Variants in SPG11 observed in about 807,000 individuals in gnomAD.
SPG11 encodes SPG11 vesicle trafficking associated, spatacsin.
SPG11 carries 222 observed loss-of-function variants against 274.0 expected under a neutral mutation model. The observed-to-expected ratio is 0.81, with a 90% CI of 0.73 to 0.91. SPG11 has a LOEUF of 0.91. Among genes scored for constraint, SPG11 ranks in the 40% least tolerant of loss-of-function variants. SPG11 has a pLI of 0.00. For missense variants in SPG11, 3,114 were observed against 2,872.7 expected, an observed-to-expected ratio of 1.08 and a Z score of -1.92; for synonymous variants, 1,144 against 1,039.7, an observed-to-expected ratio of 1.10 and a Z score of -1.93.
chr15:44,590,294 A>G (rs2082872156), intron 27 of SPG11: 1 of 152,222 alleles, frequency 6.6e-6, no homozygotes, highest in African/African-American at 2.4e-5. Flanking sequence ...TTTCAACTGA[A>G]TGCTAAAAAT....
rs185269110 is a variant in SPG11, at chr15:44,603,828, T to A, written c.3520+2197A>T. ...ATAAATGTAAATGCCATGTAGATAG[T>A]TGTTATACTGTATTTTTAAATTGGT... is the stretch of plus-strand genomic sequence containing the variant. On this transcript the variant is annotated intron_variant, in intron 20 of 39. Coordinates refer to ENST00000261866, the MANE Select transcript of SPG11 (RefSeq NM_025137.4). Among the ~76,000 whole-genome samples, 448 of 152,334 alleles carry A rather than the reference T, an allele frequency of 2.9e-3. 1 individual carries two copies. Among genetic ancestry groups the A allele is most frequent in the African/African-American group, 0.01 (435 of 41,582 alleles).
intron 30 of SPG11, among the ~76,000 whole-genome samples, chr15:44,575,569 A>G (rs551685213): frequency 3.3e-4 from 48 of 145,776 alleles, no homozygotes; most frequent in South Asian, 8.5e-4. Context: ...ATCTCAGCTC[A>G]CTGCAACCTC....
At chr15:44,563,890 G>GTATT (rs1046509931) in intron 39 of SPG11, among the ~76,000 whole-genome samples, 1 of 152,232 alleles carries the variant, frequency 6.6e-6, no homozygotes, top group African/African-American at 2.4e-5. Flanking sequence ...TCTCAGACTA[G>GTATT]TATTAGGGGT....
chr15:44,661,017 G>T (rs193058619), intron 1 of SPG11, among the ~76,000 whole-genome samples: 6 of 152,206 alleles, frequency 3.9e-5, no homozygotes, highest in African/African-American at 4.8e-5. Context: ...TAAATGTTTT[G>T]ACTTTTAAAA....
rs934101965 is a variant in SPG11, at chr15:44,640,842, T to C, written c.1603-7205A>G. ...GCCTCCTAGGTTCAAGTGATTCTCC[T>C]GCCTCAGCCTCCCGAGTAGCTGGGA... On this transcript the variant is annotated intron_variant, in intron 7 of 39. Transcript: ENST00000261866. 2.0e-5 allele frequency among the ~76,000 whole-genome samples: 3 copies of C among 152,286 alleles called. No individual in the cohort carries two copies. The East Asian group carries it at 5.8e-4, about 29-fold the overall frequency.
intron 2 of SPG11, 61 bp from the exon 3 acceptor site, chr15:44,659,364 T>C: frequency 7.1e-7 from 1 of 1,406,050 alleles, no homozygotes; most frequent in Admixed American, 1.7e-5. Context: ...CTGGTACATT[T>C]GATTTGATAA....
intron 7 of SPG11, among the ~76,000 whole-genome samples, chr15:44,648,026 A>T (rs1244543415): frequency 6.6e-6 from 1 of 152,190 alleles, no homozygotes; most frequent in Non-Finnish European, 1.5e-5. Flanking sequence ...CTTTATTAAC[A>T]TGGCTCTGGG....
intron 7 of SPG11, among the ~76,000 whole-genome samples, chr15:44,643,017 GT>G (rs1367293334): frequency 6.6e-6 from 1 of 152,118 alleles, no homozygotes; most frequent in African/African-American, 2.4e-5. Context: ...AAGAATATTT[GT>G]TTTACTATTG....
chr15:44,591,308 T>A (rs985651505), intron 27 of SPG11, among the ~76,000 whole-genome samples: 4 of 152,222 alleles, frequency 2.6e-5, no homozygotes, highest in Admixed American at 2.0e-4. Flanking sequence ...GATTTTGATG[T>A]TTAGAAGAAC....
intron 4 of SPG11, among the ~76,000 whole-genome samples, chr15:44,655,001 A>G (rs373883617): frequency 2.6e-5 from 4 of 152,200 alleles, no homozygotes; most frequent in South Asian, 4.1e-4. Flanking sequence ...TACTGCTGTA[A>G]TAATATCATG....
At chr15:44,599,027 G>C (rs1476869508) in intron 21 of SPG11, among the ~76,000 whole-genome samples, 191 bp from the exon 22 acceptor site, 1 of 152,124 alleles carries the variant, frequency 6.6e-6, no homozygotes, top group East Asian at 1.9e-4. Context: ...TTTGGCCCAA[G>C]AGCCCCCCGC....
chr15:44,622,097 G>C, intron 13 of SPG11, 123 bp downstream of exon 13: 1 of 1,274,638 alleles, frequency 7.8e-7, no homozygotes, highest in Non-Finnish European at 1.1e-6. Context: ...TCTGATACAA[G>C]TTTTATCTCC....
At chr15:44,571,655 G>A (rs1332292061) in intron 33 of SPG11, among the ~76,000 whole-genome samples, 3 of 151,832 alleles carry the variant, frequency 2.0e-5, no homozygotes, top group Admixed American at 6.6e-5. Flanking sequence ...CTGCAACCAT[G>A]CCCGGCTAAT....
intron 8 of SPG11, among the ~76,000 whole-genome samples, chr15:44,630,283 G>T (rs562247273): frequency 2.0e-5 from 3 of 152,122 alleles, no homozygotes; most frequent in African/African-American, 7.2e-5. Flanking sequence ...TATGGGAAAC[G>T]GGTTTTCCCC....
At chr15:44,570,727 A>T (rs2082406005) in intron 33 of SPG11, 69 bp from the exon 34 acceptor site, 15 of 1,576,804 alleles carry the variant, frequency 9.5e-6, no homozygotes, top group Non-Finnish European at 1.3e-5. Flanking sequence ...TCTGCCTGGC[A>T]GGAGGGAAAA....
rs1721609882 is a variant in SPG11 at position 44,572,712 on chromosome 15, G to A, written c.6314C>T (p.Ser2105Phe). The change falls in exon 33 of 40, where the codon TCC becomes TTC. Residue 2105 changes from serine (S) to phenylalanine (F), a missense_variant. By Grantham distance (155) the Ser-to-Phe change is radical. Transcript: ENST00000261866. ...AGACAGTTCCCCATGGGGAACGGAG[G>A]AAATCTTATCCAACAACTTCATGCC... ...LVGMKLLDKI[S>F]SVPHGELSCT... 1 of 1,614,040 alleles carries A rather than the reference G, an allele frequency of 6.2e-7. No homozygotes were observed. The highest frequency in any genetic ancestry group is 1.3e-5 in the African/African-American group (1 of 74,922).
intron 8 of SPG11, among the ~76,000 whole-genome samples, chr15:44,630,816 G>A (rs1434327408): frequency 6.6e-6 from 1 of 152,038 alleles, no homozygotes; most frequent in African/African-American, 2.4e-5. Context: ...TTGACCTCAT[G>A]ATCCACCCAT....
intron 7 of SPG11, among the ~76,000 whole-genome samples, chr15:44,638,204 G>A (rs946914520): frequency 6.6e-6 from 1 of 152,226 alleles, no homozygotes; most frequent in Non-Finnish European, 1.5e-5. Context: ...GCTCACGCCT[G>A]TAATCCCAAC....
chr15:44,660,168 A>G (rs2141129071), intron 2 of SPG11, among the ~76,000 whole-genome samples: 1 of 152,234 alleles, frequency 6.6e-6, no homozygotes, highest in East Asian at 1.9e-4. Context: ...AAAGTATTTC[A>G]TATTTTGAAA....
Sources: gnomAD v4.1 joint callset for allele counts (sites outside exome capture counted in the v4.1 genomes callset) on GRCh38, gnomAD v4.1.1 for gene constraint, MANE v1.5 for transcripts, NCBI Gene and HGNC (gene_info 2026-07-23, HGNC 2026-07-21) for gene names.